The following RNF14 variants were observed in gnomAD, a reference collection of about 807,000 sequenced individuals.
RNF14 encodes ring finger protein 14.
A neutral mutation model predicts 52.6 loss-of-function variants in RNF14; 26 were observed. The ratio of observed to expected loss-of-function variants is 0.49; its 90% CI spans 0.36 to 0.69. RNF14 has a LOEUF of 0.69. Among genes scored for constraint, RNF14 ranks in the 30% least tolerant of loss-of-function variants. RNF14 has a pLI of 0.00. For missense variants in RNF14, 404 were observed against 560.4 expected (o/e 0.72, Z 2.82); for synonymous variants, 194 against 202.0 (o/e 0.96, Z 0.34).
chr5:141,954,898 G>A (rs967933288), upstream of RNF14: 4 of 1,528,876 alleles, frequency 2.6e-6, no homozygotes, highest in Non-Finnish European at 3.5e-6. Context: ...GACTGTGCAG[G>A]TTATGGGGGT....
intron 1 of RNF14, 163 bp downstream of exon 1, chr5:141,969,330 C>A (rs1473083605): frequency 6.5e-6 from 1 of 152,732 alleles, no homozygotes; most frequent in Non-Finnish European, 1.5e-5. Flanking sequence ...CGGGACCGGG[C>A]GTCCGCAGCT....
upstream of RNF14, chr5:141,962,998 A>C (rs889099810): frequency 6.6e-6 from 1 of 152,218 alleles, no homozygotes; most frequent in Non-Finnish European, 1.5e-5. Flanking sequence ...GCCAAACTCT[A>C]TAGCGATCAG....
chr5:141,963,319 TATAA>T (rs1183342867), upstream of RNF14: 2 of 151,694 alleles, frequency 1.3e-5, no homozygotes, highest in African/African-American at 4.8e-5. Flanking sequence ...ATAATTTTAG[TATAA>T]ATATTTTAAT....
chr5:141,955,783 A>G (rs1753169923), upstream of RNF14: 2 of 1,613,808 alleles, frequency 1.2e-6, no homozygotes, highest in African/African-American at 1.3e-5. The surrounding 1 kb of genome is among the most constrained non-coding windows in gnomAD (Gnocchi z 5.5). Flanking sequence ...GACCCTCAAC[A>G]GGGCTCGGGT....
At position 141,986,181 on chromosome 5, in the gene RNF14, C is replaced by A. The variant is rs190380705; in HGVS notation, c.1367+1248C>A. 2.6e-4 allele frequency among the ~76,000 whole-genome samples: 39 copies of A among 152,268 alleles called. 1 individual carries two copies. The highest frequency in any genetic ancestry group is 1.7e-3 in the South Asian group (8 of 4,824). On this transcript the variant is annotated intron_variant, in intron 8 of 8. Coordinates refer to ENST00000394520, the MANE Select transcript of RNF14 (RefSeq NM_004290.5). ...TAATCTGTGGGGTGATTCCTTGGCA[C>A]AATGTGAATATCCTGTTCTCCAAGA...
chr5:141,959,589 G>C (rs1486064617), intron 1 of RNF14, among the ~76,000 whole-genome samples: 1 of 152,228 alleles, frequency 6.6e-6, no homozygotes, highest in Non-Finnish European at 1.5e-5. Flanking sequence ...TTGGACCCAA[G>C]TGGCACTAGT....
chr5:141,987,711 G>A lies in RNF14; in HGVS notation c.1368-22G>A, dbSNP rs775270149. ...TTGTTTCGTTCAAGTGTATAAAAAT[G>A]TACCTTTTTTAATGCTTCCAGGCTG... is the stretch of plus-strand genomic sequence containing the variant. On this transcript the variant is annotated intron_variant, in intron 8 of 8. Transcript: ENST00000394520. 1.1e-5 allele frequency: 17 copies of A among 1,613,008 alleles called. No individual in the cohort carries two copies. In the African/African-American group the frequency reaches 2.0e-4, roughly 19 times the overall value.
chr5:141,973,733 T>A lies in RNF14; in HGVS notation c.145T>A (p.Phe49Ile). Residue 49 changes from phenylalanine to isoleucine, a missense_variant, in exon 3 of 9, where the codon TTT (phenylalanine) becomes ATT (isoleucine). Phe to Ile is a conservative substitution (Grantham distance 21, BLOSUM62 0). Coordinates refer to ENST00000394520, the MANE Select transcript of RNF14 (RefSeq NM_004290.5). Reference sequence around the variant, plus strand: ...GGATTTGCCACAGAATTTCAAGATATTTGTGAGCGGTTAGTTAATAATTTC... The same window carrying A: ...GGATTTGCCACAGAATTTCAAGATAATTGTGAGCGGTTAGTTAATAATTTC... Reference protein sequence around the residue: ...YLDLPQNFKIFVSGNSNECLQ... With the variant: ...YLDLPQNFKIIVSGNSNECLQ... The A allele has an allele frequency of 6.2e-7, 1 of 1,603,728 alleles. No homozygotes were observed. Among genetic ancestry groups the A allele is most frequent in the East Asian group, 2.2e-5 (1 of 44,716 alleles).
chr5:141,955,938 G>A (rs1596646950), upstream of RNF14: 2 of 1,614,204 alleles, frequency 1.2e-6, no homozygotes, highest in East Asian at 4.5e-5. The surrounding 1 kb of genome is among the most constrained non-coding windows in gnomAD (Gnocchi z 5.5). Flanking sequence ...TTCCACTGCG[G>A]ATGCTGTAGA....
intron 2 of RNF14, among the ~76,000 whole-genome samples, chr5:141,972,935 G>C (rs1753918115): frequency 1.3e-5 from 2 of 152,094 alleles, no homozygotes; most frequent in Non-Finnish European, 2.9e-5. Flanking sequence ...CCACTTTTGC[G>C]AACCAGGCAC....
chr5:141,986,519 T>G (rs1377874208), intron 8 of RNF14, among the ~76,000 whole-genome samples: 2 of 152,236 alleles, frequency 1.3e-5, no homozygotes, highest in Non-Finnish European at 2.9e-5. Flanking sequence ...TCTTGCCTTA[T>G]TCCATGTATT....
upstream of RNF14, among the ~76,000 whole-genome samples, chr5:141,964,989 T>G (rs1051284066): frequency 6.6e-6 from 1 of 151,824 alleles, no homozygotes; most frequent in Non-Finnish European, 1.5e-5. Flanking sequence ...TAATAGACTT[T>G]TAAGATCTAC....
intron 6 of RNF14, chr5:141,982,529 TTTAA>T (rs1314314406): frequency 1.3e-5 from 2 of 152,384 alleles, no homozygotes; most frequent in East Asian, 3.8e-4. Context: ...GAGAAAACTC[TTTAA>T]TTAATTGTAT....
chr5:141,979,284 G>C (rs1754552040), intron 5 of RNF14, among the ~76,000 whole-genome samples: 1 of 152,054 alleles, frequency 6.6e-6, no homozygotes, highest in South Asian at 2.1e-4. Context: ...GAGTCTTGCT[G>C]TGTCACCCAG....
rs772874641 is a variant in RNF14 at position 141,960,386 on chromosome 5, C to G, written c.-181+1961C>G. 1.6e-4 allele frequency among the ~76,000 whole-genome samples: 24 copies of G among 152,256 alleles called. 1 individual carries two copies. Among genetic ancestry groups the G allele is most frequent in the Non-Finnish European group, 2.8e-4 (19 of 68,014 alleles). On this transcript the variant is annotated intron_variant, in intron 1 of 4. Transcript: ENST00000506822. ...CCTGACGGACCTGGAGGAGTGAGCC[C>G]GAGGAAGTTGAATAGGCAGGAGACA... is the stretch of plus-strand genomic sequence containing the variant.
Position 141,978,795 on chromosome 5 carries a change from G to C in RNF14, c.799G>C (p.Glu267Gln), listed in dbSNP as rs1596690243. ...CCAGGTTCAATGCCTCAACTGCCCA[G>C]AACCAAAGTGCCCTTCGGTGGCCAC... is the stretch of plus-strand genomic sequence containing the variant. ...DGQVQCLNCP[E>Q]PKCPSVATPG... Residue 267 changes from glutamate to glutamine, a missense_variant, in exon 5 of 9, where the codon GAA becomes CAA. Transcript: ENST00000394520. 1 of 1,613,944 alleles carries C rather than the reference G, an allele frequency of 6.2e-7. No individual in the cohort carries two copies. The highest frequency in any genetic ancestry group is 1.3e-5 in the African/African-American group (1 of 75,044).
At chr5:141,958,492 T>C (rs988919420) in intron 1 of RNF14, 5 of 152,592 alleles carry the variant, frequency 3.3e-5, no homozygotes, top group Non-Finnish European at 7.3e-5. Context: ...GCAAGTCATG[T>C]TTCCTGTTTC....
At position 141,978,602 on chromosome 5, in the gene RNF14, G is replaced by A. The variant is rs1228921386; in HGVS notation, c.606G>A (p.Leu202=). 6.2e-7 allele frequency: 1 copy of A among 1,613,872 alleles called. No individual in the cohort carries two copies. Residue 202 remains leucine (L), a synonymous_variant, in exon 5 of 9, where the codon TTG becomes TTA. Coordinates refer to ENST00000394520, the MANE Select transcript of RNF14 (RefSeq NM_004290.5). The part of the protein sequence containing the change: ...ESLSNLIQEI[L]DFDQAQQIKC... ...TGTCAAATCTGATCCAGGAAATCTT[G>A]GACTTTGATCAAGCTCAGCAGATAA...
intron 2 of RNF14, among the ~76,000 whole-genome samples, chr5:141,973,357 C>T (rs972328650): frequency 6.6e-6 from 1 of 151,810 alleles, no homozygotes; most frequent in African/African-American, 2.4e-5. Flanking sequence ...CCTGTCTCAG[C>T]CTCCCAAGTA....
Sources: gnomAD v4.1 joint callset for allele counts (sites outside exome capture counted in the v4.1 genomes callset) on GRCh38, gnomAD v4.1.1 for gene constraint, Gnocchi (gnomAD v3.1) non-coding constraint, MANE v1.5 for transcripts, NCBI Gene and HGNC (gene_info 2026-07-23, HGNC 2026-07-21) for gene names.